ANKS1A: variants seen among roughly 807,000 people sequenced by gnomAD.
The protein encoded by ANKS1A is ankyrin repeat and SAM domain-containing protein 1A.
A neutral mutation model predicts 120.3 loss-of-function variants in ANKS1A; 55 were observed. The ratio of observed to expected loss-of-function variants is 0.46; its 90% CI spans 0.37 to 0.57. ANKS1A has a LOEUF of 0.57. Among genes scored for constraint, ANKS1A ranks in the 20% least tolerant of loss-of-function variants. The probability of loss-of-function intolerance (pLI) is 0.00; values close to 1 mark genes in which losing one functional copy is unlikely to be tolerated. For synonymous variants in ANKS1A, 590 were observed against 604.7 expected (o/e 0.98, Z 0.36); for missense variants, 1,123 against 1,480.3 (o/e 0.76, Z 3.96).
intron 1 of ANKS1A, among the ~76,000 whole-genome samples, chr6:34,933,911 A>G (rs1222970212): frequency 6.6e-6 from 1 of 152,202 alleles, no homozygotes; most frequent in Non-Finnish European, 1.5e-5. Flanking sequence ...TCAATAGCTG[A>G]TATTTTAGGG....
intron 2 of ANKS1A, among the ~76,000 whole-genome samples, chr6:34,968,252 G>A (rs1233470103): frequency 6.6e-6 from 1 of 152,152 alleles, no homozygotes; most frequent in Non-Finnish European, 1.5e-5. Flanking sequence ...TGAGAGAGAA[G>A]GCATAGGCTT....
chr6:34,964,813 C>A (rs1390946189), intron 1 of ANKS1A, among the ~76,000 whole-genome samples: 2 of 152,208 alleles, frequency 1.3e-5, no homozygotes, highest in African/African-American at 4.8e-5. Flanking sequence ...GCCAAATTGT[C>A]TTCCCAAAGG....
chr6:34,937,774 G>A lies in ANKS1A; in HGVS notation c.198-29465G>A, dbSNP rs548554260. Among the ~76,000 whole-genome samples the A allele has an allele frequency of 1.4e-4, 22 of 152,266 alleles. No homozygotes were observed. The South Asian group carries it at 2.9e-3, about 20-fold the overall frequency. ...CATCTCAAGATTGAAGGATGCCACC[G>A]AAGGTTTTAGAGTGGGCAAGTAATA... On this transcript the variant is annotated intron_variant, in intron 1 of 23. Coordinates refer to ENST00000360359, the MANE Select transcript of ANKS1A (RefSeq NM_015245.3).
At chr6:34,998,399 CAGAAA>C (rs2127541899) in intron 10 of ANKS1A, among the ~76,000 whole-genome samples, 1 of 152,064 alleles carries the variant, frequency 6.6e-6, no homozygotes, top group Non-Finnish European at 1.5e-5. Context: ...GTTTTATACT[CAGAAA>C]AGAAAAGAGA....
chr6:34,962,469 T>C (rs1770687395), intron 1 of ANKS1A, among the ~76,000 whole-genome samples: 1 of 152,200 alleles, frequency 6.6e-6, no homozygotes, highest in African/African-American at 2.4e-5. Context: ...ACCTCACATA[T>C]CATTTTTATG....
In ANKS1A at chr6:35,089,910, G is replaced by A. The variant is rs990035404; in HGVS notation, c.*1301G>A. ...GCATAGGTCAATCAGGTCCCAGGAT[G>A]AATAATCCAGGCTTCAGCAACACTC... On this transcript the variant is annotated 3_prime_UTR_variant, in exon 24 of 24. Coordinates refer to ENST00000360359, the MANE Select transcript of ANKS1A (RefSeq NM_015245.3). 9 of 1,150,814 alleles carry A rather than the reference G, an allele frequency of 7.8e-6. No homozygotes were observed. In the African/African-American group the frequency reaches 1.5e-4, roughly 19 times the overall value. The allele number at this position is 1,150,814 out of a possible 1,614,324, so 71.3% of individuals were successfully genotyped here.
intron 11 of ANKS1A, 57 bp downstream of exon 11, chr6:35,018,116 C>T (rs1774142586): frequency 1.9e-6 from 3 of 1,547,596 alleles, no homozygotes; most frequent in Non-Finnish European, 2.6e-6. Context: ...CGCAGCCCAC[C>T]ACAGCTCCCG....
chr6:34,890,248 C>A (rs1011931550), intron 1 of ANKS1A, among the ~76,000 whole-genome samples: 3 of 152,104 alleles, frequency 2.0e-5, no homozygotes, highest in African/African-American at 7.2e-5. Flanking sequence ...CCCGCCACGA[C>A]ACCAGGCTAA....
In ANKS1A at chr6:35,057,042, G is replaced by C. The variant is rs1263592966; in HGVS notation, c.2077+2877G>C. Among the ~76,000 whole-genome samples the C allele has an allele frequency of 6.6e-6, 1 of 152,034 alleles. No individual in the cohort carries two copies. The highest frequency in any genetic ancestry group is 1.5e-5 in the Non-Finnish European group (1 of 68,018). ...AGATCTGGGCTCTGGGGTTAGTCTG[G>C]GTAGAGGAGGAGCAGGCCCTCCAGC... On this transcript the variant is annotated intron_variant, in intron 12 of 23. Coordinates refer to ENST00000360359, the MANE Select transcript of ANKS1A (RefSeq NM_015245.3). This position sits in a 1 kb window ranked among gnomAD's most constrained non-coding sequence, Gnocchi z 4.1.
At chr6:34,934,136 TTTTATTTA>T (rs745667922) in intron 1 of ANKS1A, among the ~76,000 whole-genome samples, 3 of 151,868 alleles carry the variant, frequency 2.0e-5, no homozygotes, top group African/African-American at 7.3e-5. Flanking sequence ...GGCACTTTAT[TTTTATTTA>T]TTTATTTATT....
At chr6:35,043,553 G>A (rs1418739223) in intron 11 of ANKS1A, among the ~76,000 whole-genome samples, 1 of 152,152 alleles carries the variant, frequency 6.6e-6, no homozygotes, top group African/African-American at 2.4e-5. Context: ...TTGTTTATGA[G>A]GCACTGCTGC....
At chr6:34,993,974 T>C (rs1435832230) in intron 9 of ANKS1A, among the ~76,000 whole-genome samples, 1 of 152,138 alleles carries the variant, frequency 6.6e-6, no homozygotes, top group Non-Finnish European at 1.5e-5. Context: ...TGTTTTTTTG[T>C]TTTTGTTTTT....
chr6:34,958,057 TG>T (rs1304789494), intron 1 of ANKS1A, among the ~76,000 whole-genome samples: 1 of 152,188 alleles, frequency 6.6e-6, no homozygotes, highest in Non-Finnish European at 1.5e-5. Flanking sequence ...CAAACAAGGA[TG>T]GGCTTTATAT....
At position 35,090,301 on chromosome 6, in the gene ANKS1A, AC is replaced by A. The variant is rs1778230928; in HGVS notation, c.*1695del. 7.8e-7 allele frequency: 1 copy of A among 1,289,214 alleles called. No individual in the cohort carries two copies. Among genetic ancestry groups the A allele is most frequent in the African/African-American group, 1.5e-5 (1 of 65,768 alleles). The allele number at this position is 1,289,214 out of a possible 1,614,324, so 79.9% of individuals were successfully genotyped here. A position where few individuals can be genotyped will look rare whatever the true frequency, so the allele number is the denominator to read the frequency against. On this transcript the variant is annotated 3_prime_UTR_variant, in exon 24 of 24. Coordinates refer to ENST00000360359, the MANE Select transcript of ANKS1A (RefSeq NM_015245.3). ...GCTTTCTTCCAAGAGTTGACCAGGA[AC>A]CCTAAAGCATCCAGAGTAGACTGCG...
At chr6:34,969,504 C>T (rs577889208) in intron 2 of ANKS1A, among the ~76,000 whole-genome samples, 2 of 152,242 alleles carry the variant, frequency 1.3e-5, no homozygotes, top group African/African-American at 4.8e-5. Context: ...ATCCACCCGC[C>T]TCAGCCTTCC....
intron 1 of ANKS1A, among the ~76,000 whole-genome samples, chr6:34,920,121 T>G (rs1768360676): frequency 1.3e-5 from 2 of 152,158 alleles, no homozygotes; most frequent in Admixed American, 1.3e-4. Context: ...ATTGATTTAT[T>G]GATGAGTGGG....
At chr6:34,990,062 T>G (rs1433081118) in intron 9 of ANKS1A, among the ~76,000 whole-genome samples, 6 of 152,208 alleles carry the variant, frequency 3.9e-5, no homozygotes, top group African/African-American at 1.4e-4. Flanking sequence ...AATGCCCTAT[T>G]CTCTAATTTA....
In ANKS1A at chr6:35,057,104, C is replaced by T. The variant is rs73745084; in HGVS notation, c.2077+2939C>T. Among the ~76,000 whole-genome samples the T allele has an allele frequency of 5.4e-3, 826 of 152,132 alleles. 8 individuals are homozygous for T. Among genetic ancestry groups the T allele is most frequent in the African/African-American group, 0.016 (658 of 41,524 alleles). Reference sequence around the variant, plus strand: ...CACCAAGTGTGGGATTGCCCAGCACCACTGGTTTTGCAGAGGCGCCCGCAC... The same window carrying T: ...CACCAAGTGTGGGATTGCCCAGCACTACTGGTTTTGCAGAGGCGCCCGCAC... On this transcript the variant is annotated intron_variant, in intron 12 of 23. Transcript: ENST00000360359. The surrounding 1 kb of genome is among the most constrained non-coding windows in gnomAD (Gnocchi z 4.1).
chr6:34,980,383 G>C (rs1581589420), intron 3 of ANKS1A, among the ~76,000 whole-genome samples: 2 of 152,298 alleles, frequency 1.3e-5, no homozygotes, highest in South Asian at 4.1e-4. Context: ...CTCACCTTTT[G>C]GGGAGTTGTT....
Sources: allele counts gnomAD v4.1 joint callset (sites outside exome capture counted in the v4.1 genomes callset), GRCh38; gene constraint gnomAD v4.1.1; non-coding constraint Gnocchi (gnomAD v3.1); transcripts MANE v1.5; gene names NCBI Gene and HGNC (gene_info 2026-07-23, HGNC 2026-07-21).